ZC3H11A: variants seen among roughly 807,000 people sequenced by gnomAD.
ZC3H11A encodes zinc finger CCCH domain-containing protein 11A.
A neutral mutation model predicts 90.8 loss-of-function variants in ZC3H11A; 22 were observed. The observed-to-expected ratio is 0.24, with a 90% CI of 0.17 to 0.35. ZC3H11A has a LOEUF of 0.35. Ranked by LOEUF, ZC3H11A falls within the 10% of genes least tolerant of loss-of-function variation. ZC3H11A has a pLI of 1.00. For synonymous variants in ZC3H11A, 294 were observed against 339.8 expected (o/e 0.87, Z 1.48); for missense variants, 701 against 964.9 (o/e 0.73, Z 3.62).
chr1:203,799,874 A>G (rs1669992271), intron 1 of ZC3H11A: 1 of 1,535,760 alleles, frequency 6.5e-7, no homozygotes, highest in Non-Finnish European at 8.7e-7. Context: ...TTTTTCCTCA[A>G]GGTGCTGATT....
chr1:203,809,756 C>T (rs1331141167), intron 2 of ZC3H11A, among the ~76,000 whole-genome samples: 1 of 152,000 alleles, frequency 6.6e-6, no homozygotes, highest in African/African-American at 2.4e-5. Context: ...GAGTTCGAGA[C>T]CAATCTGGCC....
intron 10 of ZC3H11A, 120 bp downstream of exon 10, chr1:203,833,973 A>G (rs1683361528): frequency 8.6e-6 from 12 of 1,396,700 alleles, no homozygotes; most frequent in Non-Finnish European, 1.0e-5. Context: ...GGCTGAAAGC[A>G]CTTATAAATT....
At position 203,816,928 on chromosome 1, in the gene ZC3H11A, T is replaced by G; in HGVS notation, c.-143T>G. 1.8e-6 allele frequency: 1 copy of G among 559,698 alleles called. No homozygotes were observed. The highest frequency in any genetic ancestry group is 3.2e-6 in the Non-Finnish European group (1 of 315,976). 34.7% of individuals were successfully genotyped at this position (559,698 alleles called of 1,614,324 possible). ...AATTCATTGTCTCCTCATTTTAGGA[T>G]TACAGTTTAAAGACAATTTCTGTGA... On this transcript the variant is annotated splice_region_variant and 5_prime_UTR_variant, in exon 3 of 18. Coordinates refer to ENST00000367210, the MANE Select transcript of ZC3H11A (RefSeq NM_001376342.1).
At chr1:203,836,384 CT>C (rs1246579385) in intron 10 of ZC3H11A, among the ~76,000 whole-genome samples, 7 of 152,224 alleles carry the variant, frequency 4.6e-5, no homozygotes, top group Non-Finnish European at 1.0e-4. Context: ...AACAATGTAA[CT>C]TCAGTCAAGT....
At position 203,829,815 on chromosome 1, in the gene ZC3H11A, C is replaced by T. The variant is rs1037550198; in HGVS notation, c.538C>T (p.Pro180Ser). 6 of 1,613,938 alleles carry T rather than the reference C, an allele frequency of 3.7e-6. No homozygotes were observed. Among genetic ancestry groups the T allele is most frequent in the Non-Finnish European group, 5.1e-6 (6 of 1,179,998 alleles). The change falls in exon 7 of 18, where the codon CCT becomes TCT. Residue 180 changes from proline to serine, a missense_variant. Around this residue, in one of 4 missense-constraint regions of ZC3H11A, gnomAD observed 530 missense variants for 696.2 expected, o/e 0.76. Coordinates refer to ENST00000367210, the MANE Select transcript of ZC3H11A (RefSeq NM_001376342.1). ...FSEEGDETKT[P>S]TLQPTPEVHN... is the part of the protein sequence containing the mutation. ...TGAGGAAGGTGATGAAACCAAAACA[C>T]CTACCCTGCAACCAACTCCTGAAGT...
Position 203,798,266 on chromosome 1 carries a change from C to T in ZC3H11A, c.-1588+2472C>T, listed in dbSNP as rs757124023. The T allele has an allele frequency of 2.0e-6, 3 of 1,536,100 alleles. No individual in the cohort carries two copies. In the South Asian group the frequency reaches 3.6e-5, roughly 18 times the overall value. On this transcript the variant is annotated intron_variant, in intron 1 of 17. Coordinates refer to ENST00000367210, the MANE Select transcript of ZC3H11A (RefSeq NM_001376342.1). ...TAAGGGCAGAAAGAGGGAGATTTCT[C>T]ATCAAAAGTAACATTGTCAAGCATG...
chr1:203,808,559 C>A (rs1020169010), intron 2 of ZC3H11A, among the ~76,000 whole-genome samples: 2 of 152,032 alleles, frequency 1.3e-5, no homozygotes, highest in African/African-American at 4.8e-5. Context: ...TTTAGGATTT[C>A]TATTTATAGA....
intron 12 of ZC3H11A, 50 bp from the exon 13 acceptor site, chr1:203,847,134 T>C: frequency 6.3e-7 from 1 of 1,593,988 alleles, no homozygotes; most frequent in Non-Finnish European, 8.5e-7. Context: ...CATAAGTCAG[T>C]AAGAGATGAA....
At chr1:203,810,246 G>A (rs61827262) in intron 2 of ZC3H11A, among the ~76,000 whole-genome samples, 1 of 151,830 alleles carries the variant, frequency 6.6e-6, no homozygotes, top group East Asian at 1.9e-4. Context: ...AAAGTGTTAG[G>A]ATTATAGGCA....
At chr1:203,821,938 T>C (rs1678878758) in intron 4 of ZC3H11A, among the ~76,000 whole-genome samples, 1 of 152,058 alleles carries the variant, frequency 6.6e-6, no homozygotes, top group Admixed American at 6.5e-5. Context: ...TTTGTACTTT[T>C]AGTAGAGATG....
At chr1:203,841,839 C>A (rs1042870848) in intron 12 of ZC3H11A, among the ~76,000 whole-genome samples, 26 of 146,598 alleles carry the variant, frequency 1.8e-4, no homozygotes, top group Middle Eastern at 3.4e-3. Flanking sequence ...CCTCACTTCG[C>A]AGACGGGGCG....
Position 203,832,720 on chromosome 1 carries a change from A to G in ZC3H11A, c.811+949A>G, listed in dbSNP as rs139714083. 4.9e-3 allele frequency among the ~76,000 whole-genome samples: 742 copies of G among 152,318 alleles called. 6 individuals carry two copies. Among genetic ancestry groups the G allele is most frequent in the African/African-American group, 0.015 (633 of 41,570 alleles). On this transcript the variant is annotated intron_variant, in intron 9 of 17. Transcript: ENST00000367210. ...CTAATAAGGAATTATAGATATAGAT[A>G]TATTTAAATGTTTGTGCAATTCAAA...
chr1:203,837,637 A>C (rs1265008362), intron 10 of ZC3H11A, among the ~76,000 whole-genome samples: 1 of 151,720 alleles, frequency 6.6e-6, no homozygotes, highest in African/African-American at 2.4e-5. Context: ...ACCATGCCTG[A>C]CTATTTTTTA....
In ZC3H11A at chr1:203,852,276, G is replaced by A; in HGVS notation, c.2310G>A (p.Glu770=). 1 of 1,613,726 alleles carries A rather than the reference G, an allele frequency of 6.2e-7. No homozygotes were observed. Among genetic ancestry groups the A allele is most frequent in the Non-Finnish European group, 8.5e-7 (1 of 1,179,838 alleles). Residue 770 remains glutamate (E), a synonymous_variant, in exon 18 of 18, where the codon GAG becomes GAA. Transcript: ENST00000367210. Reference sequence around the variant, plus strand: ...CAGGAAAGCCCCCACTCTCTGTGGAGGATGATTTTGAGAAACTAATATGGG... The same window carrying A: ...CAGGAAAGCCCCCACTCTCTGTGGAAGATGATTTTGAGAAACTAATATGGG... ...ASTGKPPLSV[E]DDFEKLIWEI...
chr1:203,811,611 C>T (rs752378085), intron 2 of ZC3H11A, among the ~76,000 whole-genome samples: 85 of 152,026 alleles, frequency 5.6e-4, no homozygotes, highest in Non-Finnish European at 6.5e-4. Context: ...TGGATTCAAG[C>T]GATTCTTGTA....
At chr1:203,814,055 C>T (rs1360963324) in intron 2 of ZC3H11A, among the ~76,000 whole-genome samples, 1 of 151,008 alleles carries the variant, frequency 6.6e-6, no homozygotes, top group Non-Finnish European at 1.5e-5. Context: ...CTTCATAGTT[C>T]TTGCCTCAAT....
At position 203,847,676 on chromosome 1, in the gene ZC3H11A, C is replaced by A; in HGVS notation, c.1535C>A (p.Thr512Asn). ...GGGGCAAGGCGGCTGCTGCGAATCA[C>A]CAAAAGAACAGGTAACAAGAGAACT... ...TPGARRLLRI[T>N]KRTGMKEEKN... The change falls in exon 13 of 18, where the codon ACC becomes AAC. Residue 512 changes from threonine (T) to asparagine (N), a missense_variant. Coordinates refer to ENST00000367210, the MANE Select transcript of ZC3H11A (RefSeq NM_001376342.1). 6.2e-7 allele frequency: 1 copy of A among 1,612,112 alleles called. No individual in the cohort carries two copies. Among genetic ancestry groups the A allele is most frequent in the South Asian group, 1.1e-5 (1 of 91,008 alleles).
In ZC3H11A at chr1:203,799,019, T is replaced by C. The variant is rs1467901093; in HGVS notation, c.-1587-2556T>C. 4 of 1,536,164 alleles carry C rather than the reference T, an allele frequency of 2.6e-6. No homozygotes were observed. The South Asian group carries it at 3.6e-5, about 14-fold the overall frequency. On this transcript the variant is annotated intron_variant, in intron 1 of 17. Coordinates refer to ENST00000367210, the MANE Select transcript of ZC3H11A (RefSeq NM_001376342.1). Reference sequence around the variant, plus strand: ...CATCCACTGACTATTTTATTGTGACTGTACACTGGGTTTCTTTGGAAACTG... The same window carrying C: ...CATCCACTGACTATTTTATTGTGACCGTACACTGGGTTTCTTTGGAAACTG...
intron 4 of ZC3H11A, among the ~76,000 whole-genome samples, chr1:203,823,991 G>A (rs1484651800): frequency 3.3e-5 from 5 of 152,082 alleles, no homozygotes; most frequent in African/African-American, 9.7e-5. Flanking sequence ...GAGGGAAGCC[G>A]GGCGCCGTGG....
Sources: allele counts gnomAD v4.1 joint callset (sites outside exome capture counted in the v4.1 genomes callset), GRCh38; gene constraint gnomAD v4.1.1; regional missense constraint gnomAD v4.1.1; transcripts MANE v1.5; gene names NCBI Gene and HGNC (gene_info 2026-07-23, HGNC 2026-07-21).